SND1: variants seen among roughly 807,000 people sequenced by gnomAD.
SND1 encodes staphylococcal nuclease and tudor domain containing 1.
SND1 carries 38 observed loss-of-function variants against 121.7 expected under a neutral mutation model. The observed-to-expected ratio is 0.31, with a 90% CI of 0.24 to 0.41. The LOEUF (loss-of-function observed/expected upper bound fraction) is 0.41. Among genes scored for constraint, SND1 ranks in the 10% least tolerant of loss-of-function variants. The pLI is 1.00. For missense variants in SND1, 868 were observed against 1,184.6 expected (o/e 0.73, Z 3.92); for synonymous variants, 401 against 447.4 (o/e 0.90, Z 1.31).
intron 16 of SND1, among the ~76,000 whole-genome samples, chr7:128,003,792 A>T (rs1047500818): frequency 2.0e-5 from 3 of 152,164 alleles, no homozygotes; most frequent in African/African-American, 7.2e-5. Context: ...GCCTTGTGGG[A>T]GGGGACTGGT....
At chr7:128,069,151 C>T (rs193286828) in intron 16 of SND1, among the ~76,000 whole-genome samples, 4 of 152,306 alleles carry the variant, frequency 2.6e-5, no homozygotes, top group Middle Eastern at 3.4e-3. Context: ...TACCTTCACT[C>T]GGTATTTCAT....
intron 10 of SND1, among the ~76,000 whole-genome samples, chr7:127,757,347 C>T (rs1158957558): frequency 6.6e-6 from 1 of 152,084 alleles, no homozygotes; most frequent in Non-Finnish European, 1.5e-5. Flanking sequence ...AGATTGTTTC[C>T]AGCCTGGGTC....
At chr7:127,653,045 C>T (rs1005595947) in intron 1 of SND1, among the ~76,000 whole-genome samples, 1 of 152,122 alleles carries the variant, frequency 6.6e-6, no homozygotes, top group African/African-American at 2.4e-5. Context: ...CATTGTTCTC[C>T]CGTCCCTTAA....
intron 10 of SND1, among the ~76,000 whole-genome samples, chr7:127,759,961 A>G (rs548385345): frequency 5.9e-5 from 9 of 152,196 alleles, no homozygotes; most frequent in South Asian, 2.1e-4. Flanking sequence ...TAGTGCCCCA[A>G]TCAGGACCTT....
At chr7:127,807,851 G>T (rs1018079886) in intron 11 of SND1, among the ~76,000 whole-genome samples, 2 of 152,136 alleles carry the variant, frequency 1.3e-5, no homozygotes, top group African/African-American at 2.4e-5. Flanking sequence ...ATTGCCCTGA[G>T]CTCCATTCAG....
chr7:127,756,561 A>G (rs1797200089), intron 10 of SND1, among the ~76,000 whole-genome samples: 1 of 152,076 alleles, frequency 6.6e-6, no homozygotes, highest in Non-Finnish European at 1.5e-5. Context: ...ACTGTCCTTA[A>G]CTCTGCTTCT....
chr7:127,956,571 G>A (rs1000239572), intron 15 of SND1, among the ~76,000 whole-genome samples: 4 of 152,182 alleles, frequency 2.6e-5, no homozygotes, highest in African/African-American at 9.7e-5. Context: ...GGAGAGGCTC[G>A]ATGGATGGCC....
At chr7:127,908,318 ATGTGTGTGTGTGTGTGTG>A (rs10579969) in intron 14 of SND1, among the ~76,000 whole-genome samples, 31 of 138,560 alleles carry the variant, frequency 2.2e-4, no homozygotes, top group Admixed American at 1.4e-3. Context: ...ATAATAATAA[ATGTGTGTGTGTGTGTGTG>A]TGTGTGTGTG....
chr7:127,707,062 TA>T (rs1303502200), intron 8 of SND1, among the ~76,000 whole-genome samples: 2 of 152,256 alleles, frequency 1.3e-5, no homozygotes, highest in African/African-American at 2.4e-5. Context: ...TAGGTTTTTT[TA>T]AACTCTTGTC....
intron 18 of SND1, 46 bp from the exon 19 acceptor site, chr7:128,084,678 G>C (rs530794028): frequency 3.2e-6 from 5 of 1,561,920 alleles, no homozygotes; most frequent in Admixed American, 3.6e-5. Context: ...CTGAGCCGTC[G>C]AGGAACCCAG....
intron 16 of SND1, among the ~76,000 whole-genome samples, chr7:128,025,141 T>G (rs529372861): frequency 6.6e-6 from 1 of 152,322 alleles, no homozygotes; most frequent in East Asian, 1.9e-4. Context: ...GTGGAGCCCC[T>G]GTAGTCAGGC....
chr7:127,811,413 C>T (rs1221858778), intron 11 of SND1, among the ~76,000 whole-genome samples: 2 of 152,176 alleles, frequency 1.3e-5, no homozygotes. Context: ...ATCTCTTGAT[C>T]TTCTGGTGGA....
chr7:127,727,675 T>C (rs1292875289), intron 10 of SND1, among the ~76,000 whole-genome samples: 1 of 152,116 alleles, frequency 6.6e-6, no homozygotes, highest in East Asian at 1.9e-4. Flanking sequence ...GGATATAGCA[T>C]TTCACCAGTC....
At chr7:127,859,991 CT>C (rs1406280769) in intron 12 of SND1, among the ~76,000 whole-genome samples, 1 of 152,122 alleles carries the variant, frequency 6.6e-6, no homozygotes, top group African/African-American at 2.4e-5. Context: ...CTGTTAATTT[CT>C]TCAATACCAT....
chr7:127,735,044 C>T (rs1405383191), intron 10 of SND1, among the ~76,000 whole-genome samples: 1 of 152,074 alleles, frequency 6.6e-6, no homozygotes, highest in African/African-American at 2.4e-5. Flanking sequence ...CTGAGGTGAC[C>T]CTGAGTATGT....
intron 10 of SND1, among the ~76,000 whole-genome samples, chr7:127,753,436 A>G (rs1392766895): frequency 6.6e-6 from 1 of 151,522 alleles, no homozygotes; most frequent in African/African-American, 2.4e-5. Flanking sequence ...TGAGATGTTG[A>G]TATTTTTTTT....
At chr7:128,048,965 C>A (rs1434961374) in intron 16 of SND1, among the ~76,000 whole-genome samples, 3 of 152,156 alleles carry the variant, frequency 2.0e-5, no homozygotes, top group Non-Finnish European at 4.4e-5. Context: ...CTTCCTGTCT[C>A]CAAAAGAGCA....
At chr7:127,960,196 GT>G (rs1222938164) in intron 15 of SND1, among the ~76,000 whole-genome samples, 1 of 152,206 alleles carries the variant, frequency 6.6e-6, no homozygotes, top group African/African-American at 2.4e-5. Flanking sequence ...CAGACACCCT[GT>G]TTTTCTTAAG....
At chr7:127,721,203 A>G (rs1284474565) in intron 9 of SND1, 84 bp from the exon 10 acceptor site, 10 of 814,656 alleles carry the variant, frequency 1.2e-5, no homozygotes, top group Non-Finnish European at 2.1e-5. Context: ...CTCACTTTCT[A>G]CCTGTGAGGG....
Sources: allele counts gnomAD v4.1 joint callset (sites outside exome capture counted in the v4.1 genomes callset), GRCh38; gene constraint gnomAD v4.1.1; transcripts MANE v1.5; gene names NCBI Gene and HGNC (gene_info 2026-07-23, HGNC 2026-07-21).